ACER2: variants seen among roughly 807,000 people sequenced by gnomAD.
ACER2 encodes alkCDase 2.
Under a neutral mutation model 34.7 loss-of-function variants are expected in ACER2, and 26 were observed. The ratio of observed to expected loss-of-function variants is 0.75; its 90% CI spans 0.55 to 1.04. ACER2 has a LOEUF of 1.04. Ranked by LOEUF, ACER2 falls within the 50% of genes least tolerant of loss-of-function variation. The pLI is 0.00. For missense variants in ACER2, 352 were observed against 340.8 expected (o/e 1.03, Z -0.26); for synonymous variants, 138 against 132.1 (o/e 1.04, Z -0.31).
At chr9:19,443,719 C>A (rs1353044320) in intron 4 of ACER2, among the ~76,000 whole-genome samples, 1 of 152,016 alleles carries the variant, frequency 6.6e-6, no homozygotes, top group Non-Finnish European at 1.5e-5. Flanking sequence ...AGCAGTGGTG[C>A]GATCTCAGCT....
chr9:19,414,157 C>T (rs1030674000), intron 1 of ACER2, among the ~76,000 whole-genome samples: 1 of 152,288 alleles, frequency 6.6e-6, no homozygotes, highest in East Asian at 1.9e-4. Flanking sequence ...CTGAACGTCC[C>T]ATGCCTTGGG....
intron 4 of ACER2, among the ~76,000 whole-genome samples, 155 bp downstream of exon 4, chr9:19,435,239 T>C (rs1014631095): frequency 2.0e-5 from 3 of 152,170 alleles, no homozygotes; most frequent in African/African-American, 7.2e-5. Context: ...ATGGTTTGGT[T>C]CAAAATACTG....
rs1589075179 is a variant in ACER2 at position 19,450,670 on chromosome 9, C to T, written c.*34C>T. 1.3e-6 allele frequency: 2 copies of T among 1,512,158 alleles called. No homozygotes were observed. Among genetic ancestry groups the T allele is most frequent in the East Asian group, 4.6e-5 (2 of 43,582 alleles). The allele number at this position is 1,512,158 out of a possible 1,614,324, so 93.7% of individuals were successfully genotyped here. The stretch of plus-strand genomic sequence containing the variant: ...TGGTGGCTGGCTTCTCTGCTTATCG[C>T]CCCTCATGCAGTGGGCTTCCTTTGC... On this transcript the variant is annotated 3_prime_UTR_variant, in exon 6 of 6. Transcript: ENST00000340967.
chr9:19,417,002 T>C (rs1012143618), intron 1 of ACER2, among the ~76,000 whole-genome samples: 7 of 152,340 alleles, frequency 4.6e-5, no homozygotes, highest in East Asian at 1.9e-4. Context: ...CAAAAACTCC[T>C]TAAGCTGATA....
At chr9:19,418,333 A>G (rs1247963682) in intron 1 of ACER2, among the ~76,000 whole-genome samples, 1 of 152,090 alleles carries the variant, frequency 6.6e-6, no homozygotes. Flanking sequence ...TTGACCCAGC[A>G]ATGCCATTAC....
chr9:19,435,265 G>A (rs1346288307), intron 4 of ACER2, among the ~76,000 whole-genome samples, 181 bp downstream of exon 4: 1 of 152,190 alleles, frequency 6.6e-6, no homozygotes, highest in Non-Finnish European at 1.5e-5. Flanking sequence ...CTCATTTTCA[G>A]TAGGAGGGGA....
chr9:19,438,336 T>C (rs905926691), intron 4 of ACER2, among the ~76,000 whole-genome samples: 1 of 152,232 alleles, frequency 6.6e-6, no homozygotes, highest in African/African-American at 2.4e-5. Context: ...TCAGCAAGTA[T>C]AGCTAAATCA....
At chr9:19,440,170 C>A (rs1831109208) in intron 4 of ACER2, among the ~76,000 whole-genome samples, 1 of 152,190 alleles carries the variant, frequency 6.6e-6, no homozygotes. Context: ...CCTCACCATG[C>A]TTGAAATGTT....
chr9:19,442,571 C>T (rs1831191732), intron 4 of ACER2, among the ~76,000 whole-genome samples: 2 of 152,192 alleles, frequency 1.3e-5, no homozygotes, highest in African/African-American at 2.4e-5. Flanking sequence ...CAGTGACTAA[C>T]GGCCGGGCAC....
At chr9:19,434,897 A>T (rs1830909300) in intron 3 of ACER2, 50 bp from the exon 4 acceptor site, 2 of 1,607,178 alleles carry the variant, frequency 1.2e-6, no homozygotes, top group Non-Finnish European at 1.7e-6. Context: ...ACAAACAAAC[A>T]AACAAGAACT....
intron 3 of ACER2, among the ~76,000 whole-genome samples, chr9:19,427,887 C>G (rs1400728766): frequency 2.0e-5 from 3 of 152,038 alleles, no homozygotes; most frequent in African/African-American, 4.8e-5. Flanking sequence ...AGGATGGTCT[C>G]GATCTCCTGC....
At position 19,450,446 on chromosome 9, in the gene ACER2, G is replaced by A. The variant is rs771726942; in HGVS notation, c.642-4G>A. ...AGGTTCTCACCTCTTGTCTCCCTCTGCAGGCACATCCTCATCTGCCTTGCT... is the reference window on the plus strand; with the variant it reads ...AGGTTCTCACCTCTTGTCTCCCTCTACAGGCACATCCTCATCTGCCTTGCT... On this transcript the variant is annotated splice_polypyrimidine_tract_variant and splice_region_variant and intron_variant, in intron 5 of 5. Coordinates refer to ENST00000340967, the MANE Select transcript of ACER2 (RefSeq NM_001010887.3). 2 of 1,586,614 alleles carry A rather than the reference G, an allele frequency of 1.3e-6. No homozygotes were observed. Among genetic ancestry groups the A allele is most frequent in the Non-Finnish European group, 1.7e-6 (2 of 1,158,564 alleles).
chr9:19,447,304 T>TCCTTTTCCTTTTAG (rs1346224236), intron 5 of ACER2, among the ~76,000 whole-genome samples: 2 of 152,180 alleles, frequency 1.3e-5, no homozygotes, highest in Admixed American at 6.5e-5. Context: ...TTGACTTCTA[T>TCCTTTTCCTTTTAG]CCAGAGATAG....
chr9:19,446,106 GTACATATGGTATT>G (rs1831349769), intron 4 of ACER2, 162 bp from the exon 5 acceptor site: 3 of 942,044 alleles, frequency 3.2e-6, no homozygotes, highest in Middle Eastern at 2.1e-4. Flanking sequence ...AGCCATCTGT[GTACATATGGTATT>G]TACATCCATG....
chr9:19,442,614 A>G (rs1379789231), intron 4 of ACER2, among the ~76,000 whole-genome samples: 2 of 152,198 alleles, frequency 1.3e-5, no homozygotes, highest in African/African-American at 2.4e-5. Flanking sequence ...CATGCAGGAC[A>G]TCTCCAACAC....
intron 2 of ACER2, chr9:19,424,442 A>T: frequency 2.0e-6 from 2 of 985,428 alleles, no homozygotes; most frequent in Non-Finnish European, 2.4e-6. Flanking sequence ...GGCTCAGTGG[A>T]TGAAGACAGA....
At chr9:19,409,730 C>T (rs1387791381) in intron 1 of ACER2, 22 of 984,996 alleles carry the variant, frequency 2.2e-5, no homozygotes, top group Non-Finnish European at 2.7e-5. Context: ...TATTTTTGGT[C>T]AGAATCAAGT....
chr9:19,410,936 G>C (rs1000721148), intron 1 of ACER2, among the ~76,000 whole-genome samples: 2 of 152,180 alleles, frequency 1.3e-5, no homozygotes, highest in Non-Finnish European at 2.9e-5. Context: ...CAGAGTTCAA[G>C]AAGAAAAGAC....
At chr9:19,422,496 C>T (rs1316171584) in intron 1 of ACER2, among the ~76,000 whole-genome samples, 1 of 151,948 alleles carries the variant, frequency 6.6e-6, no homozygotes, top group East Asian at 1.9e-4. Flanking sequence ...CATTTTAAAG[C>T]TGGGAAGAAA....
Sources: allele counts gnomAD v4.1 joint callset (sites outside exome capture counted in the v4.1 genomes callset), GRCh38; gene constraint gnomAD v4.1.1; transcripts MANE v1.5; gene names NCBI Gene and HGNC (gene_info 2026-07-23, HGNC 2026-07-21).